The following CYP4X1 variants were observed in gnomAD, a reference collection of about 807,000 sequenced individuals.
CYP4X1 encodes the protein cytochrome P450 4X1.
Under a neutral mutation model 57.9 loss-of-function variants are expected in CYP4X1, and 44 were observed. The observed-to-expected ratio is 0.76, with a 90% CI of 0.60 to 0.98. The LOEUF is 0.98. Among genes scored for constraint, CYP4X1 ranks in the 50% least tolerant of loss-of-function variants. The pLI, the probability that CYP4X1 is intolerant of heterozygous loss-of-function variation, is 0.00. For missense variants in CYP4X1, 532 were observed against 623.9 expected (o/e 0.85, Z 1.57); for synonymous variants, 227 against 228.6 (o/e 0.99, Z 0.06).
chr1:46,983,267 A>T, the CYP4X1 span, among the ~76,000 whole-genome samples: 1 of 152,196 alleles, frequency 6.6e-6, no homozygotes, highest in South Asian at 2.1e-4. Flanking sequence ...TGCCTATGGA[A>T]GCATTCAGCA....
chr1:47,012,574 G>A, the CYP4X1 span, among the ~76,000 whole-genome samples: 5 of 151,222 alleles, frequency 3.3e-5, no homozygotes, highest in African/African-American at 4.9e-5. Context: ...AAAAACTATC[G>A]ATATTCAAAG....
downstream of CYP4X1, among the ~76,000 whole-genome samples, chr1:47,053,087 T>G (rs1189780622): frequency 6.6e-6 from 1 of 151,646 alleles, no homozygotes; most frequent in Non-Finnish European, 1.5e-5. Context: ...CCCACAACAG[T>G]CCCCAGTGTG....
downstream of CYP4X1, among the ~76,000 whole-genome samples, chr1:47,054,194 G>C (rs1569672484): frequency 6.6e-6 from 1 of 151,888 alleles, no homozygotes; most frequent in East Asian, 2.0e-4. Context: ...CCCATTTCTT[G>C]TTTTTGTCAG....
At chr1:46,974,345 A>AT in the CYP4X1 span, among the ~76,000 whole-genome samples, 2 of 152,102 alleles carry the variant, frequency 1.3e-5, no homozygotes, top group Non-Finnish European at 2.9e-5. Flanking sequence ...TTTATGACCA[A>AT]GCGTAGGGTC....
the CYP4X1 span, among the ~76,000 whole-genome samples, chr1:46,991,295 T>C: frequency 2.0e-5 from 3 of 152,186 alleles, no homozygotes; most frequent in African/African-American, 4.8e-5. Context: ...AATGACCAGT[T>C]GACATCATGG....
intron 3 of CYP4X1, among the ~76,000 whole-genome samples, chr1:47,033,000 A>G (rs1416576774): frequency 2.0e-5 from 3 of 152,184 alleles, no homozygotes; most frequent in Non-Finnish European, 4.4e-5. Context: ...TAAGGCTTTG[A>G]AATTTATTAG....
chr1:47,038,099 C>T (rs961817326), intron 6 of CYP4X1, among the ~76,000 whole-genome samples: 2 of 151,980 alleles, frequency 1.3e-5, no homozygotes, highest in African/African-American at 4.8e-5. Context: ...ATTAATAGAC[C>T]TTATTTTTAG....
At chr1:46,991,835 G>T in the CYP4X1 span, among the ~76,000 whole-genome samples, 2 of 152,182 alleles carry the variant, frequency 1.3e-5, no homozygotes, top group African/African-American at 2.4e-5. Context: ...GAAGGAGGAG[G>T]CTTTGGAGTC....
At chr1:46,978,802 G>A in the CYP4X1 span, among the ~76,000 whole-genome samples, 1 of 152,140 alleles carries the variant, frequency 6.6e-6, no homozygotes, top group Non-Finnish European at 1.5e-5. Context: ...AATCAAATTA[G>A]AGCTCAGGAT....
chr1:47,045,498 C>T (rs1644291298), intron 8 of CYP4X1, among the ~76,000 whole-genome samples: 1 of 152,174 alleles, frequency 6.6e-6, no homozygotes, highest in Non-Finnish European at 1.5e-5. Flanking sequence ...CAGTGTAATA[C>T]TGAAACTTTC....
the CYP4X1 span, among the ~76,000 whole-genome samples, chr1:47,012,027 A>G: frequency 6.6e-6 from 1 of 152,248 alleles, no homozygotes; most frequent in African/African-American, 2.4e-5. Context: ...TAGAACTAGA[A>G]ATACCATTTG....
At chr1:47,036,220 A>G (rs1193329276) in intron 6 of CYP4X1, 49 bp downstream of exon 6, 3 of 1,563,668 alleles carry the variant, frequency 1.9e-6, no homozygotes, top group Admixed American at 1.8e-5. Context: ...CCATGATTGT[A>G]CTGTGTCTGT....
Position 47,039,513 on chromosome 1 carries a change from G to A in CYP4X1, c.1054G>A (p.Asp352Asn), listed in dbSNP as rs1395635863. The change falls in exon 8 of 12, where the codon GAT becomes AAT. Residue 352 changes from aspartate to asparagine, a missense_variant. Physicochemically the swap from Asp to Asn is conservative, Grantham distance 23 (BLOSUM62 1). Transcript: ENST00000371901. ...GGAGGAGGTCAGGGGCATCCTGGGG[G>A]ATGGGTCTTCTATCACTTGGTAAGA... ...CREEVRGILG[D>N]GSSITWDQLG... 3 of 1,608,570 alleles carry A rather than the reference G, an allele frequency of 1.9e-6. No individual in the cohort carries two copies. The highest frequency in any genetic ancestry group is 2.5e-6 in the Non-Finnish European group (3 of 1,178,282).
At chr1:47,018,070 C>T in the CYP4X1 span, among the ~76,000 whole-genome samples, 118 of 152,348 alleles carry the variant, frequency 7.7e-4, 1 homozygote, top group Admixed American at 1.7e-3. Flanking sequence ...AAACACACCC[C>T]AATATCTCCC....
chr1:47,043,085 GTGTTCCC>G (rs1644263603), intron 8 of CYP4X1, among the ~76,000 whole-genome samples: 1 of 152,178 alleles, frequency 6.6e-6, no homozygotes, highest in East Asian at 1.9e-4. Flanking sequence ...CAGTGTAGAA[GTGTTCCC>G]TGTTCACTGT....
At chr1:46,995,450 G>A in the CYP4X1 span, among the ~76,000 whole-genome samples, 6 of 152,114 alleles carry the variant, frequency 3.9e-5, no homozygotes, top group Non-Finnish European at 8.8e-5. Flanking sequence ...AGAGGGACAA[G>A]CACCGAGAAA....
chr1:46,990,109 A>C, the CYP4X1 span, among the ~76,000 whole-genome samples: 2 of 152,288 alleles, frequency 1.3e-5, no homozygotes, highest in Admixed American at 6.5e-5. Flanking sequence ...AGAGTGAACA[A>C]GCATCCTACA....
At chr1:47,016,295 C>T in the CYP4X1 span, among the ~76,000 whole-genome samples, 1 of 150,662 alleles carries the variant, frequency 6.6e-6, no homozygotes, top group East Asian at 1.9e-4. Flanking sequence ...GCTGAACATG[C>T]AAAGAGATAC....
At chr1:47,044,096 T>C (rs1345250086) in intron 8 of CYP4X1, among the ~76,000 whole-genome samples, 1 of 152,210 alleles carries the variant, frequency 6.6e-6, no homozygotes, top group Non-Finnish European at 1.5e-5. Flanking sequence ...AAGGTAATTA[T>C]TGACAGACAA....
Sources: gnomAD v4.1 joint callset for allele counts (sites outside exome capture counted in the v4.1 genomes callset) on GRCh38, gnomAD v4.1.1 for gene constraint, MANE v1.5 for transcripts, NCBI Gene and HGNC (gene_info 2026-07-23, HGNC 2026-07-21) for gene names.